The following PALM2AKAP2 variants were observed in gnomAD, a reference collection of about 807,000 sequenced individuals.
The protein encoded by PALM2AKAP2 is PALM2 and AKAP2 fusion.
A neutral mutation model predicts 71.5 loss-of-function variants in PALM2AKAP2; 37 were observed. The ratio of observed to expected loss-of-function variants is 0.52; its 90% CI spans 0.40 to 0.68. The LOEUF (loss-of-function observed/expected upper bound fraction) is 0.68, where lower values mean the gene tolerates loss of function less well. Ranked by LOEUF, PALM2AKAP2 falls within the 30% of genes least tolerant of loss-of-function variation. PALM2AKAP2 has a pLI of 0.00. For missense variants in PALM2AKAP2, 1,224 were observed against 1,191.8 expected (o/e 1.03, Z -0.40); for synonymous variants, 468 against 478.8 (o/e 0.98, Z 0.29).
chr9:109,809,580 T>G (rs975458851), intron 1 of PALM2AKAP2, among the ~76,000 whole-genome samples: 1 of 152,198 alleles, frequency 6.6e-6, no homozygotes, highest in African/African-American at 2.4e-5. Context: ...TTGTCTCAGA[T>G]GAGACTTTGG....
intron 6 of PALM2AKAP2, among the ~76,000 whole-genome samples, chr9:109,988,911 A>G (rs772293064): frequency 6.6e-6 from 1 of 152,096 alleles, no homozygotes; most frequent in South Asian, 2.1e-4. Flanking sequence ...AATAAGTCTC[A>G]CAAGATCTGG....
chr9:109,824,600 C>T (rs1024099656), intron 1 of PALM2AKAP2, among the ~76,000 whole-genome samples: 2 of 152,080 alleles, frequency 1.3e-5, no homozygotes, highest in Non-Finnish European at 2.9e-5. Context: ...TGTAATATTC[C>T]CTACAGATGG....
intron 1 of PALM2AKAP2, among the ~76,000 whole-genome samples, chr9:109,821,841 T>C (rs544430056): frequency 2.6e-5 from 4 of 152,344 alleles, no homozygotes; most frequent in Admixed American, 2.6e-4. Context: ...CTTTGTAAAC[T>C]GATCTTCTTG....
chr9:110,109,678 T>A (rs1342053906), intron 1 of PALM2AKAP2, among the ~76,000 whole-genome samples: 5 of 152,176 alleles, frequency 3.3e-5, no homozygotes. Flanking sequence ...GGAGCAGGTT[T>A]AACCTGAATC....
intron 1 of PALM2AKAP2, among the ~76,000 whole-genome samples, chr9:110,066,402 A>G (rs1205294945): frequency 1.3e-5 from 2 of 152,222 alleles, no homozygotes; most frequent in Non-Finnish European, 2.9e-5. Flanking sequence ...TTAAGTGAGT[A>G]AATGTAAGTA....
intron 1 of PALM2AKAP2, among the ~76,000 whole-genome samples, chr9:109,645,508 A>G (rs1408697884): frequency 6.6e-6 from 1 of 151,196 alleles, no homozygotes; most frequent in Non-Finnish European, 1.5e-5. Context: ...TTTTTTCACA[A>G]GTATTGTTGG....
intron 6 of PALM2AKAP2, among the ~76,000 whole-genome samples, chr9:110,004,557 C>T (rs557082834): frequency 1.3e-5 from 2 of 152,208 alleles, no homozygotes; most frequent in African/African-American, 4.8e-5. Flanking sequence ...TCTGTATTTC[C>T]TGAACCTGAA....
intron 5 of PALM2AKAP2, among the ~76,000 whole-genome samples, chr9:109,928,216 C>T (rs548662558): frequency 1.3e-5 from 2 of 152,296 alleles, no homozygotes; most frequent in East Asian, 3.9e-4. Context: ...CATTCTCCTG[C>T]CTCAGCCCCC....
intron 6 of PALM2AKAP2, among the ~76,000 whole-genome samples, chr9:109,933,789 CATATAAGCAGAGCTATG>C (rs1008465490): frequency 3.2e-4 from 49 of 152,190 alleles, no homozygotes; most frequent in African/African-American, 1.2e-3. Context: ...TGTGGGATTA[CATATAAGCAGAGCTATG>C]GAAGGAATTG....
chr9:109,950,672 AT>A lies in PALM2AKAP2; in HGVS notation c.496+18648del, dbSNP rs199950849. Among the ~76,000 whole-genome samples, 174 of 152,280 alleles carry A rather than the reference AT, an allele frequency of 1.1e-3. 4 individuals carry two copies. In the East Asian group the frequency reaches 0.029, roughly 25 times the overall value. On this transcript the variant is annotated intron_variant, in intron 6 of 9. Transcript: ENST00000302798. ...AACAAGACAAGGTTATATCTACTCC[AT>A]TTTCAAGAGAAATAACCCCTCTGGT...
chr9:110,080,771 C>T (rs1219956952), intron 1 of PALM2AKAP2, among the ~76,000 whole-genome samples: 4 of 152,250 alleles, frequency 2.6e-5, no homozygotes, highest in South Asian at 4.1e-4. Flanking sequence ...CTCCGCCTCC[C>T]GGGTTCAAGC....
In PALM2AKAP2 at chr9:109,879,473, G is replaced by A. The variant is rs545879544; in HGVS notation, c.127-1078G>A. Among the ~76,000 whole-genome samples, 17 of 152,308 alleles carry A rather than the reference G, an allele frequency of 1.1e-4. No homozygotes were observed. The South Asian group carries it at 2.7e-3, about 24-fold the overall frequency. ...ATGTACAGGGTCAGTAGCTGCTGCC[G>A]TCTGCCATCTAGGGACCATATAAGT... On this transcript the variant is annotated intron_variant, in intron 2 of 9. Transcript: ENST00000302798.
intron 1 of PALM2AKAP2, among the ~76,000 whole-genome samples, chr9:109,685,127 T>G (rs1016528782): frequency 1.3e-5 from 2 of 152,168 alleles, no homozygotes; most frequent in Non-Finnish European, 2.9e-5. Flanking sequence ...GATTAGTGAT[T>G]ACCTGAGTCT....
intron 7 of PALM2AKAP2, among the ~76,000 whole-genome samples, chr9:110,018,156 C>T (rs1833015183): frequency 1.3e-5 from 2 of 152,150 alleles, no homozygotes; most frequent in Non-Finnish European, 2.9e-5. Flanking sequence ...CTAGTTTAGA[C>T]ATCATTCTCG....
At chr9:109,970,533 G>T (rs917932678) in intron 6 of PALM2AKAP2, among the ~76,000 whole-genome samples, 1 of 152,186 alleles carries the variant, frequency 6.6e-6, no homozygotes, top group African/African-American at 2.4e-5. Flanking sequence ...AGTGAGCCAA[G>T]AAACTAAAAT....
intron 6 of PALM2AKAP2, among the ~76,000 whole-genome samples, chr9:109,992,167 C>T (rs982683292): frequency 5.9e-5 from 9 of 152,124 alleles, no homozygotes; most frequent in Non-Finnish European, 2.9e-5. Flanking sequence ...GCTTCCGGGC[C>T]TCTCTCAGCT....
chr9:109,832,890 A>G (rs569765641), intron 1 of PALM2AKAP2, among the ~76,000 whole-genome samples: 1 of 152,210 alleles, frequency 6.6e-6, no homozygotes, highest in Non-Finnish European at 1.5e-5. Context: ...TTCGGGCACT[A>G]ACTCGTGTGC....
intron 7 of PALM2AKAP2, among the ~76,000 whole-genome samples, chr9:110,041,565 C>A (rs1833512969): frequency 6.6e-6 from 1 of 152,002 alleles, no homozygotes; most frequent in Admixed American, 6.6e-5. Context: ...GGAGGAGAGG[C>A]CAAGTGCGAG....
chr9:109,755,611 C>T (rs999154607), intron 1 of PALM2AKAP2, among the ~76,000 whole-genome samples: 1 of 152,096 alleles, frequency 6.6e-6, no homozygotes, highest in African/African-American at 2.4e-5. Context: ...GATCATGCCA[C>T]TGCACTCCAG....
Sources: gnomAD v4.1 joint callset for allele counts (sites outside exome capture counted in the v4.1 genomes callset) on GRCh38, gnomAD v4.1.1 for gene constraint, MANE v1.5 for transcripts, NCBI Gene and HGNC (gene_info 2026-07-23, HGNC 2026-07-21) for gene names.